MYH11: variants seen among roughly 807,000 people sequenced by gnomAD.
MYH11 encodes myosin heavy chain 11.
In MYH11, 80 loss-of-function variants were observed where a neutral mutation model predicts 246.6. That is an observed-to-expected ratio of 0.32 (90% CI 0.27 to 0.39). MYH11 has a LOEUF of 0.39. Among genes scored for constraint, MYH11 ranks in the 10% least tolerant of loss-of-function variants. The pLI is 1.00. For missense variants in MYH11, 2,158 were observed against 2,546.8 expected, an observed-to-expected ratio of 0.85 and a Z score of 3.29; for synonymous variants, 1,071 against 1,015.5, an observed-to-expected ratio of 1.05 and a Z score of -1.04.
intron 40 of MYH11, among the ~76,000 whole-genome samples, chr16:15,712,044 G>A (rs1201458528): frequency 6.6e-6 from 1 of 152,066 alleles, no homozygotes; most frequent in Admixed American, 6.5e-5. Flanking sequence ...GATGGGATGT[G>A]GGGTATAAAG....
At chr16:15,760,401 G>A (rs2041841560) in intron 11 of MYH11, 139 bp downstream of exon 11, 1 of 773,276 alleles carries the variant, frequency 1.3e-6, no homozygotes, top group Non-Finnish European at 2.3e-6. Context: ...TGGGTAGAAA[G>A]ATGGATGGAT....
intron 12 of MYH11, 113 bp downstream of exon 12, chr16:15,759,463 T>C: frequency 7.3e-7 from 1 of 1,375,134 alleles, no homozygotes; most frequent in Non-Finnish European, 1.0e-6. Context: ...CTAGACAGCC[T>C]CCTACCCTAC....
chr16:15,856,209 T>C (rs2151403464), intron 1 of MYH11, among the ~76,000 whole-genome samples: 2 of 144,298 alleles, frequency 1.4e-5, no homozygotes, highest in South Asian at 4.7e-4. Context: ...GGGGTCAACC[T>C]GGGTGAGTTG....
chr16:15,784,638 C>A, intron 5 of MYH11: 3 of 1,590,564 alleles, frequency 1.9e-6, no homozygotes, highest in East Asian at 4.5e-5. Flanking sequence ...GAGGATCATG[C>A]AGATCTAAGT....
chr16:15,771,704 G>T lies in MYH11; in HGVS notation c.898C>A (p.Leu300Ile). The T allele has an allele frequency of 6.2e-7, 1 of 1,614,142 alleles. No homozygotes were observed. The highest frequency in any genetic ancestry group is 8.5e-7 in the Non-Finnish European group (1 of 1,180,022). Residue 300 changes from leucine (L) to isoleucine (I), a missense_variant, in exon 9 of 41, where the codon CTT becomes ATT. Around this residue, in one of 11 missense-constraint regions of MYH11, gnomAD observed 123 missense variants for 207.1 expected, o/e 0.59. Transcript: ENST00000300036. ...GAKEKMRSDLLLEGFNNYTFL... is the reference protein window; with the variant it reads ...GAKEKMRSDLILEGFNNYTFL... ...GTGTAGTTGTTGAAGCCCTCCAAAA[G>T]CAAGTCACCTAGAAGGAGAGGAAGA...
chr16:15,703,706 A>C lies in MYH11; in HGVS notation c.*285T>G, dbSNP rs2039304646. ...TGGGCTGGAGCGTTCTTCCTGGCTC[A>C]GCCTCCCTAGTAGCTGGGACCACAG... On this transcript the variant is annotated 3_prime_UTR_variant, in exon 41 of 41. Transcript: ENST00000300036. 4.1e-5 allele frequency: 19 copies of C among 465,392 alleles called. 2 individuals are homozygous for C. The highest frequency in any genetic ancestry group is 4.0e-4 in the South Asian group (19 of 47,838). 28.8% of individuals were successfully genotyped at this position (465,392 alleles called of 1,614,324 possible). A position where few individuals can be genotyped will look rare whatever the true frequency, so the allele number is the denominator to read the frequency against.
rs575024296 is a variant in MYH11, at chr16:15,724,459, CCT to C, written c.4117-52_4117-51del. 127 of 1,611,184 alleles carry C rather than the reference CCT, an allele frequency of 7.9e-5. 1 individual carries two copies. In the South Asian group the frequency reaches 1.0e-3, roughly 13 times the overall value. On this transcript the variant is annotated intron_variant, in intron 30 of 40. Transcript: ENST00000300036. ...GGTGAGAGGGGGACCATGAGTGGCC[CCT>C]GTCCCTGGCCCCACAGACTCTGAGA...
rs200767884 is a variant in MYH11 at position 15,724,128 on chromosome 16, T to G, written c.4365+33A>C. 1,688 of 1,611,718 alleles carry G rather than the reference T, an allele frequency of 1.0e-3. 2 individuals carry two copies. Among genetic ancestry groups the G allele is most frequent in the Non-Finnish European group, 1.4e-3 (1,614 of 1,180,006 alleles). ...AGCTGATTCCCCAACCCAGCGTCCATGGCCAGAGTGGGGGACACCCCACGC... is the reference window on the plus strand; with the variant it reads ...AGCTGATTCCCCAACCCAGCGTCCAGGGCCAGAGTGGGGGACACCCCACGC... On this transcript the variant is annotated intron_variant, in intron 31 of 40. Transcript: ENST00000300036.
intron 28 of MYH11, 172 bp downstream of exon 28, chr16:15,726,676 T>C: frequency 2.5e-6 from 2 of 811,354 alleles, no homozygotes. Context: ...CCAGAAGGTT[T>C]TTTTAATATT....
At chr16:15,814,553 C>CAAAAAAAAAA (rs58806731) in intron 3 of MYH11, among the ~76,000 whole-genome samples, 7 of 22,822 alleles carry the variant, frequency 3.1e-4, no homozygotes, top group Admixed American at 9.5e-4. Context: ...AACTCCATCT[C>CAAAAAAAAAA]AAAAAAAAAA....
At chr16:15,717,400 C>T (rs761304474) in intron 37 of MYH11, 52 bp from the exon 38 acceptor site, 24 of 1,578,952 alleles carry the variant, frequency 1.5e-5, no homozygotes, top group East Asian at 8.9e-5. Flanking sequence ...CCCAAGAGAG[C>T]GCACTGAGAC....
At chr16:15,716,155 C>T (rs749627789) in intron 38 of MYH11, among the ~76,000 whole-genome samples, 2 of 152,006 alleles carry the variant, frequency 1.3e-5, no homozygotes, top group African/African-American at 4.8e-5. Context: ...TCTCGAACTC[C>T]TGGACTCAAG....
Position 15,748,159 on chromosome 16 carries a change from G to C in MYH11, c.2068C>G (p.Leu690Val), listed in dbSNP as rs775964675. ...TGCTCCAGCACCAGGAACGCATCCA[G>C]CTTGCCGGACTGCAAAGGTCAAAGA... Reference protein sequence around the residue: ...IPNHEKRSGKLDAFLVLEQLR... With the variant: ...IPNHEKRSGKVDAFLVLEQLR... The change falls in exon 17 of 41, where the codon CTG becomes GTG. Residue 690 changes from leucine (L) to valine (V), a missense_variant. This residue lies in a region of MYH11 where 317 missense variants were observed against 507.7 expected (regional missense o/e 0.62). Coordinates refer to ENST00000300036, the MANE Select transcript of MYH11 (RefSeq NM_002474.3). 7.4e-6 allele frequency: 12 copies of C among 1,613,834 alleles called. No homozygotes were observed. The Admixed American group carries it at 2.0e-4, about 27-fold the overall frequency.
chr16:15,750,225 G>A lies in MYH11; in HGVS notation c.1971C>T (p.Tyr657=), dbSNP rs2041529816. The change falls in exon 16 of 41, where the codon TAC becomes TAT. Residue 657 remains tyrosine (Y), a synonymous_variant. Transcript: ENST00000300036. The surrounding 1 kb of genome is among the most constrained non-coding windows in gnomAD (Gnocchi z 4.3). ...KGMFRTVGQL[Y]KEQLGKLMTT... is the part of the protein sequence containing the mutation. ...TCATCAGCTTGCCCAGCTGCTCCTT[G>A]TACAGCTGCCCCACTGTGCGGAACA... is the stretch of plus-strand genomic sequence containing the variant. The A allele has an allele frequency of 1.9e-6, 3 of 1,614,104 alleles. No individual in the cohort carries two copies. The highest frequency in any genetic ancestry group is 1.1e-5 in the South Asian group (1 of 91,090).
chr16:15,752,724 C>G (rs539841256), intron 15 of MYH11, among the ~76,000 whole-genome samples: 1 of 152,278 alleles, frequency 6.6e-6, no homozygotes, highest in East Asian at 1.9e-4. Context: ...ACTAAAAATA[C>G]AAAAATTAGC....
intron 40 of MYH11, among the ~76,000 whole-genome samples, chr16:15,705,078 C>G (rs2039376134): frequency 6.6e-6 from 1 of 152,216 alleles, no homozygotes; most frequent in Non-Finnish European, 1.5e-5. Context: ...CTCCTGAGTT[C>G]CAGCAGTCCT....
Position 15,779,907 on chromosome 16 carries a change from T to C in MYH11, c.727-1064A>G, listed in dbSNP as rs114329670. ...TCATGACATAACATGGTGGGAAGTG[T>C]TGGCGTGTGTGGACACAATCCCCTA... is the stretch of plus-strand genomic sequence containing the variant. On this transcript the variant is annotated intron_variant, in intron 6 of 40. Transcript: ENST00000300036. 5.1e-3 allele frequency among the ~76,000 whole-genome samples: 784 copies of C among 152,344 alleles called. 7 individuals carry two copies. The highest frequency in any genetic ancestry group is 0.018 in the African/African-American group (758 of 41,580).
chr16:15,759,346 G>A (rs1483849772), intron 12 of MYH11, among the ~76,000 whole-genome samples: 1 of 152,068 alleles, frequency 6.6e-6, no homozygotes, highest in Non-Finnish European at 1.5e-5. Flanking sequence ...CGGGAGATCA[G>A]ACCCTGCCTA....
At chr16:15,782,526 A>G (rs2151303235) in intron 5 of MYH11, 49 bp from the exon 6 acceptor site, 1 of 1,481,608 alleles carries the variant, frequency 6.7e-7, no homozygotes, top group Non-Finnish European at 9.4e-7. Flanking sequence ...CTAGGTCCTG[A>G]CAGTTCTACC....
Sources: gnomAD v4.1 joint callset for allele counts (sites outside exome capture counted in the v4.1 genomes callset) on GRCh38, gnomAD v4.1.1 for gene constraint, gnomAD v4.1.1 regional missense constraint, Gnocchi (gnomAD v3.1) non-coding constraint, MANE v1.5 for transcripts, NCBI Gene and HGNC (gene_info 2026-07-23, HGNC 2026-07-21) for gene names.